ARAP2: variants seen among roughly 807,000 people sequenced by gnomAD.
ARAP2 encodes arf-GAP with Rho-GAP domain, ANK repeat and PH domain-containing protein 2.
ARAP2 carries 148 observed loss-of-function variants against 194.5 expected under a neutral mutation model. The observed-to-expected ratio is 0.76, with a 90% CI of 0.67 to 0.87. ARAP2 has a LOEUF of 0.87. Ranked by LOEUF, ARAP2 falls within the 40% of genes least tolerant of loss-of-function variation. The probability of loss-of-function intolerance (pLI) is 0.00; values close to 1 mark genes in which losing one functional copy is unlikely to be tolerated. For synonymous variants in ARAP2, 695 were observed against 683.5 expected (o/e 1.02, Z -0.26); for missense variants, 2,128 against 1,989.7 (o/e 1.07, Z -1.32).
chr4:36,114,961 G>A (rs958491286), intron 25 of ARAP2, among the ~76,000 whole-genome samples: 9 of 152,062 alleles, frequency 5.9e-5, no homozygotes, highest in Admixed American at 3.9e-4. Flanking sequence ...CCAATCTTAA[G>A]TGCATGCTGG....
Position 36,161,488 on chromosome 4 carries a change from T to C in ARAP2, c.2236A>G (p.Ile746Val). Residue 746 changes from isoleucine to valine, a missense_variant, in exon 12 of 33, where the codon ATT (isoleucine) becomes GTT (valine). Coordinates refer to ENST00000303965, the MANE Select transcript of ARAP2 (RefSeq NM_015230.4). ...ACCTCGATGAGTTCATTGCTCCAAA[T>C]GCTAGCATCCATTTTTAGACTTCTA... ...KVRSLKMDAS[I>V]WSNELIELFI... 1 of 1,614,012 alleles carries C rather than the reference T, an allele frequency of 6.2e-7. No homozygotes were observed. The highest frequency in any genetic ancestry group is 8.5e-7 in the Non-Finnish European group (1 of 1,179,954).
chr4:36,130,562 T>A (rs1212192279), intron 20 of ARAP2, among the ~76,000 whole-genome samples: 12 of 151,886 alleles, frequency 7.9e-5, no homozygotes, highest in Non-Finnish European at 1.5e-4. Flanking sequence ...TCTGTTTCCA[T>A]GCCTTCTCTG....
chr4:36,161,823 A>G (rs1486627249), intron 11 of ARAP2, among the ~76,000 whole-genome samples: 2 of 131,422 alleles, frequency 1.5e-5, no homozygotes, highest in African/African-American at 2.8e-5. Context: ...AAAAAAAACT[A>G]CACGGCCTGG....
intron 5 of ARAP2, among the ~76,000 whole-genome samples, chr4:36,025,348 A>G (rs369611236): frequency 1.3e-5 from 2 of 152,264 alleles, no homozygotes; most frequent in South Asian, 4.1e-4. Flanking sequence ...AGTGGTAATA[A>G]TTTTTCAACT....
chr4:36,216,133 G>A (rs1747894376), intron 2 of ARAP2, among the ~76,000 whole-genome samples: 2 of 151,480 alleles, frequency 1.3e-5, no homozygotes, highest in Admixed American at 1.3e-4. Flanking sequence ...GTGCATGCCT[G>A]TAGTCCCAGA....
chr4:36,073,871 G>GTA (rs758241257), intron 31 of ARAP2, 48 bp from the exon 32 acceptor site: 1 of 1,595,104 alleles, frequency 6.3e-7, no homozygotes. Flanking sequence ...TTATTATGTG[G>GTA]TATACTATGT....
chr4:36,207,520 C>T (rs1328433573), intron 6 of ARAP2, among the ~76,000 whole-genome samples: 1 of 152,064 alleles, frequency 6.6e-6, no homozygotes, highest in Non-Finnish European at 1.5e-5. Flanking sequence ...ATATTCTTAA[C>T]CAAATATTGG....
At chr4:36,237,264 G>A (rs997880952) in intron 1 of ARAP2, among the ~76,000 whole-genome samples, 10 of 152,182 alleles carry the variant, frequency 6.6e-5, no homozygotes, top group Admixed American at 6.5e-4. Flanking sequence ...ACTTATTGTG[G>A]AAAAATCACT....
chr4:36,041,150 G>A (rs902847056), intron 5 of ARAP2, among the ~76,000 whole-genome samples: 18 of 151,954 alleles, frequency 1.2e-4, no homozygotes, highest in Admixed American at 6.6e-4. Context: ...AAAAGCAATT[G>A]CAACAAGGGC....
chr4:36,061,260 T>C (rs1374978757), downstream of ARAP2, among the ~76,000 whole-genome samples: 1 of 152,228 alleles, frequency 6.6e-6, no homozygotes, highest in Non-Finnish European at 1.5e-5. Context: ...TTAAACTGAC[T>C]ATAGGCACCC....
At chr4:36,162,281 A>C (rs1471426622) in intron 11 of ARAP2, among the ~76,000 whole-genome samples, 4 of 152,202 alleles carry the variant, frequency 2.6e-5, no homozygotes, top group Non-Finnish European at 5.9e-5. Context: ...AATGCAGATA[A>C]TATTTCTTTA....
intron 6 of ARAP2, among the ~76,000 whole-genome samples, chr4:36,205,566 A>G (rs1057183360): frequency 6.6e-6 from 1 of 151,706 alleles, no homozygotes. Flanking sequence ...TCACAGTAAC[A>G]TTATTTAAGG....
At chr4:36,200,373 A>G (rs1274026683) in intron 6 of ARAP2, among the ~76,000 whole-genome samples, 2 of 151,980 alleles carry the variant, frequency 1.3e-5, no homozygotes, top group African/African-American at 4.8e-5. Context: ...CTCCTGCCTC[A>G]GCCTCCTGAG....
At position 36,124,976 on chromosome 4, in the gene ARAP2, G is replaced by GAA; in HGVS notation, c.3641-11_3641-10dup. ...CTTGTCATCTTGCGTATCTGAAGGG[G>GAA]AAAAAAAAACAATCTTGAGATCTAA... On this transcript the variant is annotated splice_polypyrimidine_tract_variant and intron_variant, in intron 21 of 32. Transcript: ENST00000303965. The GAA allele has an allele frequency of 2.7e-6, 4 of 1,481,904 alleles. No individual in the cohort carries two copies. Among genetic ancestry groups the GAA allele is most frequent in the Non-Finnish European group, 3.7e-6 (4 of 1,080,558 alleles). 91.8% of individuals were successfully genotyped at this position (1,481,904 alleles called of 1,614,324 possible).
At chr4:36,146,180 A>G (rs1729582675) in intron 19 of ARAP2, among the ~76,000 whole-genome samples, 1 of 151,956 alleles carries the variant, frequency 6.6e-6, no homozygotes, top group South Asian at 2.1e-4. Flanking sequence ...GCAGATCCTG[A>G]CACCTCTAAC....
At chr4:36,086,384 C>G (rs1318964918) in intron 28 of ARAP2, among the ~76,000 whole-genome samples, 1 of 152,100 alleles carries the variant, frequency 6.6e-6, no homozygotes, top group Non-Finnish European at 1.5e-5. Context: ...CATGCAGGCT[C>G]ATTACTTTAT....
At chr4:36,113,233 T>C (rs922997215) in intron 26 of ARAP2, among the ~76,000 whole-genome samples, 10 of 151,882 alleles carry the variant, frequency 6.6e-5, no homozygotes, top group Admixed American at 6.6e-4. Flanking sequence ...ACGAGGAGGA[T>C]TGAGACCGAT....
chr4:36,132,811 T>C (rs1262861803), intron 20 of ARAP2, among the ~76,000 whole-genome samples: 1 of 151,818 alleles, frequency 6.6e-6, no homozygotes, highest in Non-Finnish European at 1.5e-5. Flanking sequence ...TTATTTGACA[T>C]ATTGTTCCAC....
At chr4:36,136,795 G>GTGTGTA (rs1285316232) in intron 19 of ARAP2, among the ~76,000 whole-genome samples, 1 of 121,396 alleles carries the variant, frequency 8.2e-6, no homozygotes, top group Non-Finnish European at 1.8e-5. Context: ...GTGTGTGTGT[G>GTGTGTA]TGTGTGTGTG....
Sources: allele counts gnomAD v4.1 joint callset (sites outside exome capture counted in the v4.1 genomes callset), GRCh38; gene constraint gnomAD v4.1.1; transcripts MANE v1.5; gene names NCBI Gene and HGNC (gene_info 2026-07-23, HGNC 2026-07-21).